The following CSTA variants were observed in gnomAD, a reference collection of about 807,000 sequenced individuals.
The protein encoded by CSTA is cystatin A.
A neutral mutation model predicts 9.2 loss-of-function variants in CSTA; 9 were observed. That is an observed-to-expected ratio of 0.97 (90% confidence interval 0.59 to 1.70). CSTA has a LOEUF of 1.70. Ranked by LOEUF, CSTA falls within the 40% of genes most tolerant of loss-of-function variation. The probability of loss-of-function intolerance (pLI) is 0.00; values close to 1 mark genes in which losing one functional copy is unlikely to be tolerated. For missense variants in CSTA, 118 were observed against 113.1 expected (o/e 1.04, Z -0.20); for synonymous variants, 36 against 40.6 (o/e 0.89, Z 0.43).
chr3:122,340,772 T>C (rs2075261480), intron 2 of CSTA, among the ~76,000 whole-genome samples: 1 of 152,200 alleles, frequency 6.6e-6, no homozygotes, highest in African/African-American at 2.4e-5. Context: ...GCAAACAAAG[T>C]GTCCCAAGTT....
intron 2 of CSTA, chr3:122,338,102 C>A (rs983307160): frequency 1.3e-5 from 2 of 158,356 alleles, no homozygotes; most frequent in African/African-American, 4.8e-5. Flanking sequence ...TAATTTAAAC[C>A]TTTTTTGCCC....
chr3:122,336,438 G>A (rs1362900186), intron 1 of CSTA, among the ~76,000 whole-genome samples: 2 of 152,146 alleles, frequency 1.3e-5, no homozygotes, highest in Non-Finnish European at 2.9e-5. Flanking sequence ...GTAATCCACA[G>A]AGTAAAAGAA....
chr3:122,334,109 G>A (rs768095155), intron 1 of CSTA, among the ~76,000 whole-genome samples: 22 of 152,064 alleles, frequency 1.4e-4, no homozygotes, highest in Non-Finnish European at 2.6e-4. Flanking sequence ...TCCTTTCTCC[G>A]CTCTCCTGCC....
intron 2 of CSTA, among the ~76,000 whole-genome samples, chr3:122,338,443 T>C (rs1576219912): frequency 6.6e-6 from 1 of 151,948 alleles, no homozygotes; most frequent in East Asian, 1.9e-4. Context: ...GTGTGGCTTA[T>C]TTCTCTTTAA....
intron 1 of CSTA, among the ~76,000 whole-genome samples, chr3:122,335,613 ATTATTTATTTAT>A (rs147927095): frequency 4.0e-5 from 6 of 150,602 alleles, no homozygotes; most frequent in Non-Finnish European, 7.4e-5. Context: ...GATTTATTTT[ATTATTTATTTAT>A]TTATTTATTT....
intron 1 of CSTA, among the ~76,000 whole-genome samples, chr3:122,335,049 A>G (rs977042763): frequency 6.6e-6 from 1 of 152,342 alleles, no homozygotes; most frequent in Non-Finnish European, 1.5e-5. Flanking sequence ...AACTGAGTCA[A>G]GAGCTCATAG....
intron 1 of CSTA, among the ~76,000 whole-genome samples, chr3:122,328,579 A>C (rs2107665169): frequency 6.6e-6 from 1 of 150,864 alleles, no homozygotes; most frequent in African/African-American, 2.4e-5. Flanking sequence ...CCTCTCTACC[A>C]CACAGTGGCA....
intron 1 of CSTA, among the ~76,000 whole-genome samples, chr3:122,330,100 C>T (rs1411900291): frequency 1.3e-5 from 2 of 152,210 alleles, no homozygotes; most frequent in Non-Finnish European, 2.9e-5. Context: ...AGGTGAGAAA[C>T]TTGAGTCAAT....
At chr3:122,340,026 G>A (rs1009442546) in intron 2 of CSTA, among the ~76,000 whole-genome samples, 2 of 152,096 alleles carry the variant, frequency 1.3e-5, no homozygotes, top group African/African-American at 2.4e-5. Flanking sequence ...CTTTTCTTCA[G>A]GCCTATAATA....
rs2075165133 is a variant in CSTA, at chr3:122,325,333, C to T, written c.41C>T (p.Pro14Leu). 1.9e-6 allele frequency: 3 copies of T among 1,614,074 alleles called. No homozygotes were observed. Among genetic ancestry groups the T allele is most frequent in the Admixed American group, 1.7e-5 (1 of 60,000 alleles). ...TTATCTGAGGCCAAACCCGCCACTC[C>T]AGAAATCCAGGAGATTGTTGATAAG... ...GGLSEAKPATPEIQEIVDKVK... is the reference protein window; with the variant it reads ...GGLSEAKPATLEIQEIVDKVK... Residue 14 changes from proline (P) to leucine (L), a missense_variant, in exon 1 of 3, where the codon CCA (proline) becomes CTA (leucine). By Grantham distance (98) the Pro-to-Leu change is moderately conservative (BLOSUM62 -3). Coordinates refer to ENST00000264474, the MANE Select transcript of CSTA (RefSeq NM_005213.4).
At chr3:122,331,757 G>A (rs775578223) in intron 1 of CSTA, among the ~76,000 whole-genome samples, 14 of 152,150 alleles carry the variant, frequency 9.2e-5, no homozygotes, top group Non-Finnish European at 1.9e-4. Context: ...CCCCACAAAT[G>A]TAAATCTCTC....
chr3:122,332,020 A>G (rs1042873721), intron 1 of CSTA, among the ~76,000 whole-genome samples: 3 of 152,190 alleles, frequency 2.0e-5, no homozygotes, highest in African/African-American at 4.8e-5. Context: ...TCCTATGAGA[A>G]TCTAATGCTG....
At chr3:122,338,654 C>T (rs1457112393) in intron 2 of CSTA, among the ~76,000 whole-genome samples, 3 of 152,088 alleles carry the variant, frequency 2.0e-5, no homozygotes, top group East Asian at 3.9e-4. Flanking sequence ...TGAAAGAGGA[C>T]CCTGCTGTAT....
At chr3:122,331,593 A>G (rs1052117563) in intron 1 of CSTA, among the ~76,000 whole-genome samples, 1 of 152,160 alleles carries the variant, frequency 6.6e-6, no homozygotes, top group Non-Finnish European at 1.5e-5. Context: ...TGCAGCTACT[A>G]CTGTTCCAGA....
intron 1 of CSTA, 113 bp from the exon 2 acceptor site, chr3:122,337,434 T>G (rs1023144220): frequency 2.8e-6 from 2 of 710,008 alleles, no homozygotes; most frequent in African/African-American, 3.6e-5. Context: ...AGTTCATAGA[T>G]TTCATTACCA....
At chr3:122,331,731 G>A (rs1325204138) in intron 1 of CSTA, among the ~76,000 whole-genome samples, 2 of 152,094 alleles carry the variant, frequency 1.3e-5, no homozygotes, top group South Asian at 4.1e-4. Context: ...CATATTTGTT[G>A]GTCTTTTTCT....
intron 1 of CSTA, among the ~76,000 whole-genome samples, chr3:122,336,300 G>A (rs1427057672): frequency 6.6e-6 from 1 of 152,120 alleles, no homozygotes; most frequent in Admixed American, 6.5e-5. Flanking sequence ...CTCTACTTTT[G>A]TAGAGTCAGA....
chr3:122,340,942 C>T (rs1316707965), intron 2 of CSTA, among the ~76,000 whole-genome samples: 4 of 59,450 alleles, frequency 6.7e-5, no homozygotes, highest in Non-Finnish European at 9.9e-5. Context: ...CATTAGTCTA[C>T]AATTTTTTTT....
Position 122,337,621 on chromosome 3 carries a change from T to C in CSTA, c.141T>C (p.Val47=). The change falls in exon 2 of 3, where the codon GTT becomes GTC. Residue 47 remains valine, a synonymous_variant. Transcript: ENST00000264474. ...KLEAVQYKTQ[V]VAGTNYYIKV... is the part of the protein sequence containing the mutation. ...AAGCTGTGCAGTATAAAACTCAAGT[T>C]GTTGCTGGAACAAATTACTACATTA... is the stretch of plus-strand genomic sequence containing the variant. 6.2e-7 allele frequency: 1 copy of C among 1,612,524 alleles called. No homozygotes were observed. The highest frequency in any genetic ancestry group is 8.5e-7 in the Non-Finnish European group (1 of 1,178,578).
Sources: allele counts gnomAD v4.1 joint callset (sites outside exome capture counted in the v4.1 genomes callset), GRCh38; gene constraint gnomAD v4.1.1; transcripts MANE v1.5; gene names NCBI Gene and HGNC (gene_info 2026-07-23, HGNC 2026-07-21).